ANKRD45: variants seen among roughly 807,000 people sequenced by gnomAD.
The protein encoded by ANKRD45 is ankyrin repeat domain 45.
A neutral mutation model predicts 28.1 loss-of-function variants in ANKRD45; 21 were observed. The observed-to-expected ratio is 0.75, with a 90% CI of 0.53 to 1.08. The LOEUF is 1.08. Among genes scored for constraint, ANKRD45 ranks in the 50% least tolerant of loss-of-function variants. ANKRD45 has a pLI of 0.00. For missense variants in ANKRD45, 261 were observed against 308.7 expected (o/e 0.85, Z 1.16); for synonymous variants, 86 against 103.9 (o/e 0.83, Z 1.05).
At chr1:173,630,584 C>T (rs922385405) in intron 3 of ANKRD45, among the ~76,000 whole-genome samples, 9 of 148,952 alleles carry the variant, frequency 6.0e-5, no homozygotes, top group African/African-American at 1.9e-4. Context: ...CTTGGTGGCT[C>T]ACATCTATAA....
chr1:173,624,624 T>C (rs1157550517), intron 5 of ANKRD45, among the ~76,000 whole-genome samples, 163 bp downstream of exon 5: 1 of 152,234 alleles, frequency 6.6e-6, no homozygotes, highest in Non-Finnish European at 1.5e-5. Context: ...TTACTAATAT[T>C]GCAAATAATG....
intron 5 of ANKRD45, among the ~76,000 whole-genome samples, chr1:173,617,540 G>A (rs1471049636): frequency 6.6e-6 from 1 of 152,210 alleles, no homozygotes; most frequent in Non-Finnish European, 1.5e-5. Context: ...CTTTAAATGG[G>A]ACCCCAATGC....
intron 1 of ANKRD45, chr1:173,669,501 G>A (rs1322792486): frequency 4.4e-6 from 2 of 455,978 alleles, no homozygotes. Flanking sequence ...AAGGCCTGAG[G>A]AACAGGATAC....
At chr1:173,703,563 CT>C in the ANKRD45 span, among the ~76,000 whole-genome samples, 1,114 of 152,264 alleles carry the variant, frequency 7.3e-3, 7 homozygotes, top group Non-Finnish European at 0.012. Flanking sequence ...TCCTTTTCCC[CT>C]GTCCCCAAAT....
At chr1:173,679,862 C>T in the ANKRD45 span, among the ~76,000 whole-genome samples, 2 of 151,992 alleles carry the variant, frequency 1.3e-5, no homozygotes, top group Non-Finnish European at 1.5e-5. Context: ...GCAAAACAAC[C>T]CCATCAGTGG....
upstream of ANKRD45, among the ~76,000 whole-genome samples, chr1:173,670,813 A>G (rs1013388093): frequency 6.6e-6 from 1 of 152,252 alleles, no homozygotes; most frequent in Admixed American, 6.5e-5. Context: ...GGTTATCAGC[A>G]GCTTCCCCAT....
At chr1:173,630,137 A>G (rs1668125580) in intron 3 of ANKRD45, among the ~76,000 whole-genome samples, 1 of 152,230 alleles carries the variant, frequency 6.6e-6, no homozygotes, top group Non-Finnish European at 1.5e-5. Flanking sequence ...TCAACACTAG[A>G]CTTGTCCTAG....
intron 3 of ANKRD45, among the ~76,000 whole-genome samples, chr1:173,628,145 C>T (rs561341124): frequency 6.6e-5 from 10 of 151,730 alleles, no homozygotes; most frequent in African/African-American, 1.7e-4. Context: ...GTACTCACCA[C>T]GGACCTTGGG....
chr1:173,701,924 G>C, the ANKRD45 span, among the ~76,000 whole-genome samples: 3 of 152,044 alleles, frequency 2.0e-5, no homozygotes, highest in Non-Finnish European at 4.4e-5. Context: ...AATAATATAA[G>C]ATAGAGTGAA....
At chr1:173,643,716 A>G (rs1571741171) in intron 3 of ANKRD45, among the ~76,000 whole-genome samples, 2 of 152,128 alleles carry the variant, frequency 1.3e-5, no homozygotes, top group South Asian at 4.1e-4. Context: ...TGAGACTGGG[A>G]CAGAAGATTT....
intron 1 of ANKRD45, among the ~76,000 whole-genome samples, chr1:173,666,419 C>A (rs1670019280): frequency 6.6e-6 from 1 of 152,132 alleles, no homozygotes; most frequent in East Asian, 1.9e-4. Context: ...AGGAACCCTC[C>A]ACCCCTGTAG....
chr1:173,696,070 G>A, the ANKRD45 span, among the ~76,000 whole-genome samples: 2 of 151,928 alleles, frequency 1.3e-5, no homozygotes, highest in Non-Finnish European at 2.9e-5. Context: ...CACCCTATTC[G>A]TACACTCCCT....
intron 2 of ANKRD45, chr1:173,657,304 T>TA (rs1669570340): frequency 3.1e-6 from 1 of 323,176 alleles, no homozygotes; most frequent in Non-Finnish European, 6.4e-6. Context: ...CCCTCTCCAC[T>TA]AAAAAATACG....
In ANKRD45 at chr1:173,636,856, T is replaced by C. The variant is rs751386378; in HGVS notation, c.497-9697A>G. On this transcript the variant is annotated intron_variant, in intron 3 of 5. Transcript: ENST00000333279. Reference sequence around the variant, plus strand: ...AAAAGCAAGCCTCCTTAGAAAAACCTGGTAATGATCTAGAAAGCCCATTGA... The same window carrying C: ...AAAAGCAAGCCTCCTTAGAAAAACCCGGTAATGATCTAGAAAGCCCATTGA... 2.1e-5 allele frequency: 33 copies of C among 1,535,814 alleles called. No homozygotes were observed. In the South Asian group the frequency reaches 3.3e-4, roughly 16 times the overall value.
the ANKRD45 span, among the ~76,000 whole-genome samples, chr1:173,694,902 A>C: frequency 7.0e-4 from 106 of 152,248 alleles, 1 homozygote; most frequent in East Asian, 0.016. Flanking sequence ...TTTATTAGGA[A>C]ATTTTTCAAT....
chr1:173,642,422 A>G (rs1668741941), intron 3 of ANKRD45, among the ~76,000 whole-genome samples: 2 of 152,222 alleles, frequency 1.3e-5, no homozygotes, highest in Non-Finnish European at 2.9e-5. Flanking sequence ...AACAAGTTTA[A>G]AGAGGAATTA....
chr1:173,663,087 A>ACACACC (rs1669857425), intron 1 of ANKRD45, among the ~76,000 whole-genome samples: 1 of 143,290 alleles, frequency 7.0e-6, no homozygotes, highest in African/African-American at 2.6e-5. Flanking sequence ...ACACACACAC[A>ACACACC]CACACCTTCT....
At chr1:173,632,958 T>G (rs1487831300) in intron 3 of ANKRD45, among the ~76,000 whole-genome samples, 1 of 151,956 alleles carries the variant, frequency 6.6e-6, no homozygotes, top group Non-Finnish European at 1.5e-5. Context: ...AATGCCCACT[T>G]TCACCACTGT....
chr1:173,695,499 G>A, the ANKRD45 span, among the ~76,000 whole-genome samples: 3 of 152,066 alleles, frequency 2.0e-5, no homozygotes. Flanking sequence ...ATATTGGCTT[G>A]GACCGCATCC....
Sources: gnomAD v4.1 joint callset for allele counts (sites outside exome capture counted in the v4.1 genomes callset) on GRCh38, gnomAD v4.1.1 for gene constraint, MANE v1.5 for transcripts, NCBI Gene and HGNC (gene_info 2026-07-23, HGNC 2026-07-21) for gene names.